Variants in RPS6KA2 observed in about 807,000 individuals in gnomAD.
RPS6KA2 encodes the protein ribosomal protein S6 kinase alpha-2.
Under a neutral mutation model 91.8 loss-of-function variants are expected in RPS6KA2, and 42 were observed. That is an observed-to-expected ratio of 0.46 (90% confidence interval 0.36 to 0.59). RPS6KA2 has a LOEUF of 0.59. Ranked by LOEUF, RPS6KA2 falls within the 20% of genes least tolerant of loss-of-function variation. The pLI, the probability that RPS6KA2 is intolerant of heterozygous loss-of-function variation, is 0.00. For synonymous variants in RPS6KA2, 414 were observed against 393.6 expected, an observed-to-expected ratio of 1.05 and a Z score of -0.61; for missense variants, 798 against 978.5, an observed-to-expected ratio of 0.82 and a Z score of 2.46.
intron 2 of RPS6KA2, among the ~76,000 whole-genome samples, chr6:166,641,520 T>A (rs1463901932): frequency 6.6e-6 from 1 of 151,188 alleles, no homozygotes; most frequent in Non-Finnish European, 1.5e-5. Flanking sequence ...AGTCAGGAGT[T>A]CAAGACCAGC....
At chr6:166,580,668 C>T (rs1452860260) in intron 1 of RPS6KA2, among the ~76,000 whole-genome samples, 3 of 144,684 alleles carry the variant, frequency 2.1e-5, no homozygotes, top group African/African-American at 7.6e-5. Context: ...ACCCCACCCC[C>T]AACCCCTGAC....
intron 10 of RPS6KA2, among the ~76,000 whole-genome samples, chr6:166,485,884 C>T (rs1781390833): frequency 6.6e-6 from 1 of 152,176 alleles, no homozygotes; most frequent in African/African-American, 2.4e-5. Flanking sequence ...GGGACCCCAC[C>T]CTCAGGGGGT....
At chr6:166,467,719 G>C (rs1412997479) in intron 11 of RPS6KA2, among the ~76,000 whole-genome samples, 1 of 152,214 alleles carries the variant, frequency 6.6e-6, no homozygotes, top group African/African-American at 2.4e-5. Flanking sequence ...TTCTCCATCT[G>C]TCCCCTGCTG....
At chr6:166,454,837 A>C (rs1482200526) in intron 12 of RPS6KA2, among the ~76,000 whole-genome samples, 2 of 151,258 alleles carry the variant, frequency 1.3e-5, no homozygotes, top group Non-Finnish European at 2.9e-5. Flanking sequence ...TTAAAAAATT[A>C]AATATATTTT....
chr6:166,605,373 C>G (rs886805872), intron 1 of RPS6KA2, among the ~76,000 whole-genome samples: 7 of 152,064 alleles, frequency 4.6e-5, no homozygotes, highest in Admixed American at 1.3e-4. Context: ...TGGGTGGTCA[C>G]GTAGCCTAAA....
intron 2 of RPS6KA2, among the ~76,000 whole-genome samples, chr6:166,854,489 A>G (rs978778539): frequency 1.3e-5 from 2 of 152,040 alleles, no homozygotes; most frequent in African/African-American, 4.8e-5. Context: ...TCACCTTTTT[A>G]TTCTTTTCCA....
In RPS6KA2 at chr6:166,437,442, C is replaced by A. The variant is rs1037262919; in HGVS notation, c.1333-4952G>T. 6.6e-6 allele frequency among the ~76,000 whole-genome samples: 1 copy of A among 152,194 alleles called. No homozygotes were observed. Among genetic ancestry groups the A allele is most frequent in the Non-Finnish European group, 1.5e-5 (1 of 68,032 alleles). On this transcript the variant is annotated intron_variant, in intron 14 of 20. Transcript: ENST00000265678. The surrounding 1 kb of genome is among the most constrained non-coding windows in gnomAD (Gnocchi z 4.3). ...CTGACGCTCAAATAATGCTGACGCGCCACGGAGTAGGAGTGGTGTCGTGGG... is the reference window on the plus strand; with the variant it reads ...CTGACGCTCAAATAATGCTGACGCGACACGGAGTAGGAGTGGTGTCGTGGG...
rs531123642 is a variant in RPS6KA2, at chr6:166,490,544, C to T, written c.818+127G>A. On this transcript the variant is annotated intron_variant, in intron 9 of 20. Coordinates refer to ENST00000265678, the MANE Select transcript of RPS6KA2 (RefSeq NM_021135.6). This position sits in a 1 kb window ranked among gnomAD's most constrained non-coding sequence, Gnocchi z 4.2. Reference sequence around the variant, plus strand: ...AAAACCAGTGACTTTTAGAAAACAGCTTACAATACTTTGGCACTGTAAGCC... The same window carrying T: ...AAAACCAGTGACTTTTAGAAAACAGTTTACAATACTTTGGCACTGTAAGCC... The T allele has an allele frequency of 1.1e-5, 8 of 715,846 alleles. No individual in the cohort carries two copies. Among genetic ancestry groups the T allele is most frequent in the South Asian group, 1.1e-4 (7 of 63,050 alleles). 44.3% of individuals were successfully genotyped at this position (715,846 alleles called of 1,614,324 possible). A position where few individuals can be genotyped will look rare whatever the true frequency, so the allele number is the denominator to read the frequency against.
intron 14 of RPS6KA2, among the ~76,000 whole-genome samples, chr6:166,436,110 A>C (rs1266364226): frequency 6.6e-6 from 1 of 152,206 alleles, no homozygotes; most frequent in Non-Finnish European, 1.5e-5. Flanking sequence ...CACTTGGTAC[A>C]AGTGAGTTAT....
chr6:166,615,075 G>A (rs1472790526), intron 1 of RPS6KA2, among the ~76,000 whole-genome samples: 5 of 152,092 alleles, frequency 3.3e-5, no homozygotes, highest in Admixed American at 1.3e-4. Context: ...GGCTCAGCCG[G>A]ATGAAGCCCA....
chr6:166,765,548 T>A (rs966248789), intron 2 of RPS6KA2, among the ~76,000 whole-genome samples: 1 of 152,182 alleles, frequency 6.6e-6, no homozygotes, highest in Non-Finnish European at 1.5e-5. Context: ...AACGACTTTG[T>A]TTAACTTTTC....
chr6:166,795,476 G>A (rs909837975), intron 2 of RPS6KA2, among the ~76,000 whole-genome samples: 1 of 152,264 alleles, frequency 6.6e-6, no homozygotes. Context: ...CCCAGCAAGA[G>A]TGACTTTCTT....
intron 1 of RPS6KA2, among the ~76,000 whole-genome samples, chr6:166,590,592 T>C (rs1404145283): frequency 6.6e-6 from 1 of 152,186 alleles, no homozygotes; most frequent in Admixed American, 6.5e-5. Flanking sequence ...TCGTGTGGAA[T>C]GAGTTGATTG....
At chr6:166,607,883 A>C (rs2128530728) in intron 1 of RPS6KA2, among the ~76,000 whole-genome samples, 1 of 152,204 alleles carries the variant, frequency 6.6e-6, no homozygotes, top group South Asian at 2.1e-4. Context: ...GGTGGCATGT[A>C]CCTGTGGTCC....
chr6:166,847,675 A>G (rs1281982144), intron 2 of RPS6KA2, among the ~76,000 whole-genome samples: 5 of 152,316 alleles, frequency 3.3e-5, no homozygotes, highest in African/African-American at 1.2e-4. Context: ...CACCCTATTC[A>G]ACATATGATA....
At chr6:166,797,189 G>A (rs761500507) in intron 2 of RPS6KA2, among the ~76,000 whole-genome samples, 2 of 152,192 alleles carry the variant, frequency 1.3e-5, no homozygotes, top group South Asian at 2.1e-4. Flanking sequence ...GGCACTCTGC[G>A]TCCCAGGGAG....
intron 2 of RPS6KA2, among the ~76,000 whole-genome samples, chr6:166,839,681 A>G (rs1780408852): frequency 2.1e-5 from 1 of 47,296 alleles, no homozygotes; most frequent in Non-Finnish European, 4.0e-5. Context: ...AAATCAGAGC[A>G]GGAGAGGAGA....
At chr6:166,739,680 C>G (rs988853903) in intron 2 of RPS6KA2, among the ~76,000 whole-genome samples, 2 of 152,232 alleles carry the variant, frequency 1.3e-5, no homozygotes, top group Non-Finnish European at 2.9e-5. Flanking sequence ...CTCTGCAAAT[C>G]CCTCTGTCTG....
intron 1 of RPS6KA2, among the ~76,000 whole-genome samples, chr6:166,585,498 C>CTTTTTTTTTT (rs58153048): frequency 4.1e-4 from 35 of 86,278 alleles, no homozygotes; most frequent in Non-Finnish European, 5.5e-4. Flanking sequence ...TCAAACAAGT[C>CTTTTTTTTTT]TTTTTTTTTT....
Sources: gnomAD v4.1 joint callset for allele counts (sites outside exome capture counted in the v4.1 genomes callset) on GRCh38, gnomAD v4.1.1 for gene constraint, Gnocchi (gnomAD v3.1) non-coding constraint, MANE v1.5 for transcripts, NCBI Gene and HGNC (gene_info 2026-07-23, HGNC 2026-07-21) for gene names.